The following MYH13 variants were observed in gnomAD, a reference collection of about 807,000 sequenced individuals.
The protein encoded by MYH13 is myosin-13.
MYH13 carries 177 observed loss-of-function variants against 232.1 expected under a neutral mutation model. The observed-to-expected ratio is 0.76, with a 90% CI of 0.67 to 0.86. MYH13 has a LOEUF of 0.86. Among genes scored for constraint, MYH13 ranks in the 40% least tolerant of loss-of-function variants. The pLI, the probability that MYH13 is intolerant of heterozygous loss-of-function variation, is 0.00. For missense variants in MYH13, 2,246 were observed against 2,405.9 expected, an observed-to-expected ratio of 0.93 and a Z score of 1.39; for synonymous variants, 884 against 923.5, an observed-to-expected ratio of 0.96 and a Z score of 0.78.
chr17:10,323,641 C>A (rs1002723574), intron 23 of MYH13, among the ~76,000 whole-genome samples: 1 of 151,606 alleles, frequency 6.6e-6, no homozygotes, highest in Non-Finnish European at 1.5e-5. Flanking sequence ...TGCCTGTAAT[C>A]CCAGCTACTT....
chr17:10,372,264 A>G (rs984529238), intron 1 of MYH13, among the ~76,000 whole-genome samples: 7 of 152,198 alleles, frequency 4.6e-5, no homozygotes, highest in South Asian at 2.1e-4. Context: ...AGTAGCTGGT[A>G]TGATTTCTTT....
At chr17:10,308,998 G>A (rs1404555119) in intron 35 of MYH13, among the ~76,000 whole-genome samples, 1 of 152,260 alleles carries the variant, frequency 6.6e-6, no homozygotes, top group Non-Finnish European at 1.5e-5. Context: ...CCCACAACGT[G>A]CAAGATGTTT....
intron 23 of MYH13, 144 bp downstream of exon 23, chr17:10,323,878 T>C (rs1907098328): frequency 9.4e-7 from 1 of 1,065,728 alleles, no homozygotes; most frequent in Non-Finnish European, 1.3e-6. Context: ...TTGTTGGGAC[T>C]TAACTACCCT....
rs370432284 is a variant in MYH13 at position 10,318,960 on chromosome 17, C to G, written c.3568G>C (p.Glu1190Gln). 6.2e-7 allele frequency: 1 copy of G among 1,614,152 alleles called. No homozygotes were observed. The highest frequency in any genetic ancestry group is 1.1e-5 in the South Asian group (1 of 91,088). The change falls in exon 27 of 41, where the codon GAA becomes CAA. Residue 1190 changes from glutamate (E) to glutamine (Q), a missense_variant. Glu to Gln is a conservative substitution (Grantham distance 29). Transcript: ENST00000252172. ...RDLEEATLQH[E>Q]ATAATLRKKQ... ...TTCCTCAGGGTGGCTGCTGTGGCTT[C>G]GTGCTGCAGGGTGGCCTCCTCCAGG...
intron 5 of MYH13, among the ~76,000 whole-genome samples, chr17:10,360,698 A>T (rs188029702): frequency 6.5e-4 from 99 of 152,308 alleles, no homozygotes; most frequent in Non-Finnish European, 6.6e-4. Flanking sequence ...TCTAACCCCT[A>T]GTACCTCAGA....
At chr17:10,357,438 A>G (rs2071757717) in intron 8 of MYH13, among the ~76,000 whole-genome samples, 2 of 152,212 alleles carry the variant, frequency 1.3e-5, no homozygotes. Context: ...AGAGAGACCC[A>G]TTTTAGCATA....
chr17:10,333,200 A>G lies in MYH13; in HGVS notation c.2057-9T>C. The stretch of plus-strand genomic sequence containing the variant: ...GTAGTGGTCCATCACACCTGGAGAG[A>G]GAACGTCCCGGGGGTGTGCCTGTGA... On this transcript the variant is annotated splice_polypyrimidine_tract_variant and intron_variant, in intron 18 of 40. Transcript: ENST00000252172. 1 of 1,531,762 alleles carries G rather than the reference A, an allele frequency of 6.5e-7. No individual in the cohort carries two copies. Among genetic ancestry groups the G allele is most frequent in the Non-Finnish European group, 8.9e-7 (1 of 1,129,018 alleles). The allele number at this position is 1,531,762 out of a possible 1,614,324, so 94.9% of individuals were successfully genotyped here.
chr17:10,312,538 A>C lies in MYH13; in HGVS notation c.4365+36T>G. ...CATTTCCCCAACTTGAATTATCCTC[A>C]TGCCATCTTCACAAAGAAAGCGGCT... On this transcript the variant is annotated intron_variant, in intron 31 of 40. Coordinates refer to ENST00000252172, the MANE Select transcript of MYH13 (RefSeq NM_003802.3). 1.9e-6 allele frequency: 3 copies of C among 1,588,238 alleles called. No homozygotes were observed. In the South Asian group the frequency reaches 3.5e-5, roughly 18 times the overall value.
Position 10,345,497 on chromosome 17 carries a change from G to C in MYH13, c.1383C>G (p.Val461=). The C allele has an allele frequency of 6.2e-7, 1 of 1,614,182 alleles. No homozygotes were observed. The highest frequency in any genetic ancestry group is 1.3e-5 in the African/African-American group (1 of 75,050). The change falls in exon 14 of 41, where the codon GTC becomes GTG. Residue 461 remains valine (V), a synonymous_variant. Transcript: ENST00000252172. ...AGATCTCAAAGCCAGCAATGTCCAA[G>C]ACCCCGATGAAGTACTGCCTGGGCT... The part of the protein sequence containing the change: ...TKQPRQYFIG[V]LDIAGFEIFD...
intron 12 of MYH13, 90 bp from the exon 13 acceptor site, chr17:10,346,888 G>T: frequency 2.2e-6 from 2 of 927,278 alleles, no homozygotes; most frequent in Non-Finnish European, 3.4e-6. Context: ...AGTGTTTTCT[G>T]TAATTTTCTT....
intron 12 of MYH13, among the ~76,000 whole-genome samples, chr17:10,349,580 G>A (rs1279492274): frequency 6.6e-6 from 1 of 152,026 alleles, no homozygotes; most frequent in Non-Finnish European, 1.5e-5. Context: ...AGGATTCTAG[G>A]ATGGCACCCA....
intron 19 of MYH13, 101 bp from the exon 20 acceptor site, chr17:10,332,323 A>G: frequency 6.8e-7 from 1 of 1,469,688 alleles, no homozygotes; most frequent in South Asian, 1.2e-5. Context: ...CCTTAGGAGG[A>G]AGTGGAATAC....
chr17:10,372,728 T>G (rs186385643), intron 1 of MYH13, among the ~76,000 whole-genome samples: 1 of 152,358 alleles, frequency 6.6e-6, no homozygotes, highest in East Asian at 1.9e-4. Flanking sequence ...TACTCAGTTT[T>G]GTTCTGCAGG....
chr17:10,345,628 A>G lies in MYH13; in HGVS notation c.1264-12T>C. The G allele has an allele frequency of 1.2e-6, 2 of 1,614,206 alleles. No individual in the cohort carries two copies. The highest frequency in any genetic ancestry group is 1.7e-6 in the Non-Finnish European group (2 of 1,180,026). ...ACCGAATTGGTCACCTTGAAAAAGG[A>G]TCACCCACTCAACCCTTGAGTTAGT... On this transcript the variant is annotated splice_polypyrimidine_tract_variant and intron_variant, in intron 13 of 40. Coordinates refer to ENST00000252172, the MANE Select transcript of MYH13 (RefSeq NM_003802.3).
intron 22 of MYH13, among the ~76,000 whole-genome samples, chr17:10,325,967 G>T (rs1018657228): frequency 1.3e-5 from 2 of 152,184 alleles, no homozygotes; most frequent in Admixed American, 6.5e-5. Context: ...GAGCCACCAC[G>T]CCCGGCCCAT....
At chr17:10,359,364 T>A (rs1218280872) in intron 7 of MYH13, among the ~76,000 whole-genome samples, 2 of 152,192 alleles carry the variant, frequency 1.3e-5, no homozygotes, top group Non-Finnish European at 2.9e-5. Context: ...TCAGAGAGGT[T>A]CCAGGTTGAT....
intron 33 of MYH13, 70 bp downstream of exon 33, chr17:10,311,033 G>C: frequency 6.3e-7 from 1 of 1,588,494 alleles, no homozygotes; most frequent in South Asian, 1.1e-5. Flanking sequence ...GCCCCATGGG[G>C]TGGTGAAGGG....
At position 10,333,078 on chromosome 17, in the gene MYH13, G is replaced by A. The variant is rs1333726515; in HGVS notation, c.2170C>T (p.Gln724Ter). ...CACAGGAGAGAGGGAACCTACCGCTGCTTGAAGTCAGCATAGAGGATCCGG... is the reference window on the plus strand; with the variant it reads ...CACAGGAGAGAGGGAACCTACCGCTACTTGAAGTCAGCATAGAGGATCCGG... ...PSRILYADFK[Q>*]RYRILNASAI... Residue 724 changes from glutamine to a stop codon, truncating the protein, a stop_gained, in exon 19 of 41, where the codon CAG becomes TAG. Transcript: ENST00000252172. LOFTEE classifies it high-confidence loss of function. 6.5e-7 allele frequency: 1 copy of A among 1,548,812 alleles called. No individual in the cohort carries two copies. Among genetic ancestry groups the A allele is most frequent in the Non-Finnish European group, 8.7e-7 (1 of 1,144,266 alleles).
At chr17:10,305,231 C>G (rs1906235433) in intron 37 of MYH13, among the ~76,000 whole-genome samples, 1 of 152,134 alleles carries the variant, frequency 6.6e-6, no homozygotes, top group African/African-American at 2.4e-5. Context: ...CCGAGGGCTC[C>G]CCGCCAACCC....
Sources: gnomAD v4.1 joint callset for allele counts (sites outside exome capture counted in the v4.1 genomes callset) on GRCh38, gnomAD v4.1.1 for gene constraint, MANE v1.5 for transcripts, NCBI Gene and HGNC (gene_info 2026-07-23, HGNC 2026-07-21) for gene names.